Variants in LVRN observed in about 807,000 individuals in gnomAD.
The protein encoded by LVRN is aminopeptidase Q.
Under a neutral mutation model 111.4 loss-of-function variants are expected in LVRN, and 99 were observed. That is an observed-to-expected ratio of 0.89 (90% CI 0.76 to 1.05). The LOEUF is 1.05. Ranked by LOEUF, LVRN falls within the 50% of genes least tolerant of loss-of-function variation. LVRN has a pLI of 0.00. For synonymous variants in LVRN, 488 were observed against 449.5 expected, an observed-to-expected ratio of 1.09 and a Z score of -1.08; for missense variants, 1,414 against 1,206.8, an observed-to-expected ratio of 1.17 and a Z score of -2.54.
chr5:115,996,114 T>C (rs1008981601), intron 6 of LVRN, among the ~76,000 whole-genome samples: 2 of 152,214 alleles, frequency 1.3e-5, no homozygotes. Flanking sequence ...TAACTTCTTT[T>C]GAAAGCAGTT....
In LVRN at chr5:115,992,219, AACTG is replaced by A; in HGVS notation, c.1205_1208del (p.Leu402GlnfsTer6). The A allele has an allele frequency of 6.2e-7, 1 of 1,614,022 alleles. No individual in the cohort carries two copies. The highest frequency in any genetic ancestry group is 8.5e-7 in the Non-Finnish European group (1 of 1,179,924). On this transcript the variant is annotated frameshift_variant, in exon 5 of 20. Transcript: ENST00000357872. LOFTEE classifies it high-confidence loss of function. ...GGATTGTTGTTGGAACCAAAAGATCAACTGACAGAAAAAAAGACTCTGATCTCCT... is the reference window on the plus strand; with the variant it reads ...GGATTGTTGTTGGAACCAAAAGATCAACAGAAAAAAAGACTCTGATCTCCT...
intron 12 of LVRN, among the ~76,000 whole-genome samples, chr5:116,003,674 C>A (rs1038654980): frequency 6.6e-6 from 1 of 151,534 alleles, no homozygotes; most frequent in Non-Finnish European, 1.5e-5. Flanking sequence ...CTCCGCCTCC[C>A]GGGTTCACGC....
Position 115,963,012 on chromosome 5 carries a change from A to C in LVRN, c.395A>C (p.Asn132Thr), listed in dbSNP as rs776846762. The C allele has an allele frequency of 6.2e-6, 10 of 1,613,394 alleles. No individual in the cohort carries two copies. The highest frequency in any genetic ancestry group is 8.5e-7 in the Non-Finnish European group (1 of 1,179,908). Residue 132 changes from asparagine (N) to threonine (T), a missense_variant, in exon 1 of 20, where the codon AAC becomes ACC. Asn to Thr is a moderately conservative substitution (Grantham distance 65, BLOSUM62 0). Coordinates refer to ENST00000357872, the MANE Select transcript of LVRN (RefSeq NM_173800.5). ...AGSLPFTGRV[N>T]ITVRCTVATS... ...TCTTTGCCCTTCACTGGCCGCGTGAACATCACGGTGCGCTGCACGGTGGCC... is the reference window on the plus strand; with the variant it reads ...TCTTTGCCCTTCACTGGCCGCGTGACCATCACGGTGCGCTGCACGGTGGCC...
In LVRN at chr5:116,012,443, G is replaced by A. The variant is rs1748511451; in HGVS notation, c.2317G>A (p.Ala773Thr). The stretch of plus-strand genomic sequence containing the variant: ...AACTATAATTCGTGAAAATGTGTTG[G>A]CATTACAAGATGACTACTTAGCTCT... ...YSTIIRENVL[A>T]LQDDYLALIS... Residue 773 changes from alanine (A) to threonine (T), a missense_variant, in exon 15 of 20, where the codon GCA becomes ACA. Ala to Thr is a moderately conservative substitution (Grantham distance 58). Transcript: ENST00000357872. 3 of 1,546,546 alleles carry A rather than the reference G, an allele frequency of 1.9e-6. No individual in the cohort carries two copies. Among genetic ancestry groups the A allele is most frequent in the South Asian group, 1.2e-5 (1 of 86,784 alleles).
chr5:116,001,659 T>G (rs1748242205), intron 10 of LVRN, among the ~76,000 whole-genome samples: 1 of 152,178 alleles, frequency 6.6e-6, no homozygotes, highest in South Asian at 2.1e-4. Flanking sequence ...ACTATTTCCT[T>G]GAGGAATAGT....
chr5:115,991,341 C>A (rs534428056), intron 4 of LVRN, among the ~76,000 whole-genome samples: 1 of 152,148 alleles, frequency 6.6e-6, no homozygotes, highest in Non-Finnish European at 1.5e-5. Flanking sequence ...TAGCAACATG[C>A]ACTTAAAATT....
At chr5:115,965,935 A>C (rs1753192540) in intron 1 of LVRN, among the ~76,000 whole-genome samples, 1 of 152,294 alleles carries the variant, frequency 6.6e-6, no homozygotes, top group Non-Finnish European at 1.5e-5. Flanking sequence ...AGTACGGACT[A>C]ATATGGTATC....
chr5:115,979,710 C>T (rs1753522632), intron 1 of LVRN, among the ~76,000 whole-genome samples: 1 of 152,148 alleles, frequency 6.6e-6, no homozygotes, highest in African/African-American at 2.4e-5. Context: ...CCTTGAACCA[C>T]AGTCCAGTAG....
rs747042469 is a variant in LVRN at position 115,962,588 on chromosome 5, C to T, written c.-30C>T. ...TGACAGCTGCCACAGTCTCTGAGCT[C>T]CAGCCTCGCGCCTGAACCCGGTCCC... is the stretch of plus-strand genomic sequence containing the variant. On this transcript the variant is annotated 5_prime_UTR_variant, in exon 1 of 20. Coordinates refer to ENST00000357872, the MANE Select transcript of LVRN (RefSeq NM_173800.5). 9 of 1,574,978 alleles carry T rather than the reference C, an allele frequency of 5.7e-6. No individual in the cohort carries two copies. Among genetic ancestry groups the T allele is most frequent in the Non-Finnish European group, 7.7e-6 (9 of 1,163,024 alleles).
intron 1 of LVRN, 53 bp from the exon 2 acceptor site, chr5:115,983,234 T>C: frequency 6.8e-7 from 1 of 1,468,968 alleles, no homozygotes; most frequent in Non-Finnish European, 9.0e-7. Flanking sequence ...TGTTTTTTTA[T>C]TCCACTGGGT....
chr5:115,975,169 C>T, intron 1 of LVRN: 2 of 460,372 alleles, frequency 4.3e-6, no homozygotes, highest in Non-Finnish European at 8.5e-6. Flanking sequence ...GCCAAGTTGC[C>T]TGGTCATAAT....
At chr5:115,992,083 A>G in intron 4 of LVRN, 40 bp from the exon 5 acceptor site, 11 of 1,539,544 alleles carry the variant, frequency 7.1e-6, no homozygotes, top group Non-Finnish European at 9.6e-6. Context: ...ATTTTTTGGA[A>G]AAGATTATTT....
chr5:116,014,641 T>A, intron 16 of LVRN, 114 bp downstream of exon 16: 1 of 779,772 alleles, frequency 1.3e-6, no homozygotes, highest in Non-Finnish European at 2.1e-6. Context: ...GGTTAGGCGC[T>A]CTCTCCTACT....
Position 116,014,417 on chromosome 5 carries a change from A to G in LVRN, c.2343-3A>G. The G allele has an allele frequency of 6.2e-7, 1 of 1,605,906 alleles. No individual in the cohort carries two copies. Among genetic ancestry groups the G allele is most frequent in the Non-Finnish European group, 8.5e-7 (1 of 1,174,552 alleles). ...ACTGTTTTTCTTTGACTTTTTCTTC[A>G]AGAATATCACTGGAAAAACTTTTTG... On this transcript the variant is annotated splice_polypyrimidine_tract_variant and splice_region_variant and intron_variant, in intron 15 of 19. Transcript: ENST00000357872.
Position 116,015,684 on chromosome 5 carries a change from T to C in LVRN, c.2675T>C (p.Ile892Thr), listed in dbSNP as rs772034442. 18 of 1,613,316 alleles carry C rather than the reference T, an allele frequency of 1.1e-5. No individual in the cohort carries two copies. The African/African-American group carries it at 2.0e-4, about 18-fold the overall frequency. ...TTCACTTCTAATGAAACAAATATAATTGAGGTTGTGGCTTCATCTGAAGTT... is the reference window on the plus strand; with the variant it reads ...TTCACTTCTAATGAAACAAATATAACTGAGGTTGTGGCTTCATCTGAAGTT... ...SPFTSNETNI[I>T]EVVASSEVGR... Residue 892 changes from isoleucine (I) to threonine (T), a missense_variant, in exon 18 of 20, where the codon ATT becomes ACT. Transcript: ENST00000357872.
chr5:116,023,760 A>G (rs1272954778), intron 19 of LVRN: 1 of 152,264 alleles, frequency 6.6e-6, no homozygotes, highest in Non-Finnish European at 1.5e-5. Context: ...GTAAAATTAG[A>G]AAGATTTATG....
Position 116,003,054 on chromosome 5 carries a change from A to C in LVRN, c.1897+143A>C, listed in dbSNP as rs148959015. 2.3e-4 allele frequency: 213 copies of C among 928,134 alleles called. 3 individuals are homozygous for C. The African/African-American group carries it at 3.3e-3, about 14-fold the overall frequency. The allele number at this position is 928,134 out of a possible 1,614,324, so 57.5% of individuals were successfully genotyped here. A position where few individuals can be genotyped will look rare whatever the true frequency, so the allele number is the denominator to read the frequency against. ...TGTAGAGCATAGAGTTTTAAAGAAA[A>C]GTGTCAAATCAAAAGCCATTATATG... On this transcript the variant is annotated intron_variant, in intron 11 of 19. Coordinates refer to ENST00000357872, the MANE Select transcript of LVRN (RefSeq NM_173800.5).
At chr5:116,008,621 A>G (rs1748427384) in intron 13 of LVRN, among the ~76,000 whole-genome samples, 2 of 152,002 alleles carry the variant, frequency 1.3e-5, no homozygotes, top group Admixed American at 6.5e-5. Context: ...AAAAAAAGTG[A>G]AACAGCCTTA....
intron 1 of LVRN, chr5:115,974,877 C>G (rs1473274012): frequency 4.8e-6 from 2 of 418,432 alleles, no homozygotes; most frequent in South Asian, 4.3e-5. Context: ...CCCGACCAAT[C>G]TCTCTGTTCT....
Sources: allele counts gnomAD v4.1 joint callset (sites outside exome capture counted in the v4.1 genomes callset), GRCh38; gene constraint gnomAD v4.1.1; transcripts MANE v1.5; gene names NCBI Gene and HGNC (gene_info 2026-07-23, HGNC 2026-07-21).